ANKS1B: variants seen among roughly 807,000 people sequenced by gnomAD.
ANKS1B encodes the protein ankyrin repeat and sterile alpha motif domain-containing protein 1B.
A neutral mutation model predicts 148.3 loss-of-function variants in ANKS1B; 36 were observed. The ratio of observed to expected loss-of-function variants is 0.24; its 90% CI spans 0.19 to 0.32. ANKS1B has a LOEUF of 0.32. Among genes scored for constraint, ANKS1B ranks in the 10% least tolerant of loss-of-function variants. The probability of loss-of-function intolerance (pLI) is 1.00; values close to 1 mark genes in which losing one functional copy is unlikely to be tolerated. For synonymous variants in ANKS1B, 542 were observed against 560.8 expected, an observed-to-expected ratio of 0.97 and a Z score of 0.47; for missense variants, 1,157 against 1,542.6, an observed-to-expected ratio of 0.75 and a Z score of 4.19.
intron 1 of ANKS1B, among the ~76,000 whole-genome samples, chr12:99,897,458 T>C (rs2093424593): frequency 6.6e-6 from 1 of 151,252 alleles, no homozygotes; most frequent in African/African-American, 2.4e-5. Context: ...CCTCAGTGGC[T>C]ACCTAATCAG....
intron 9 of ANKS1B, among the ~76,000 whole-genome samples, chr12:99,533,851 T>C (rs1339837467): frequency 6.6e-6 from 1 of 152,064 alleles, no homozygotes; most frequent in Non-Finnish European, 1.5e-5. Flanking sequence ...GAATTATTTA[T>C]GTTAAATGAC....
At chr12:99,340,326 C>T (rs1185365352) in intron 12 of ANKS1B, among the ~76,000 whole-genome samples, 1 of 152,078 alleles carries the variant, frequency 6.6e-6, no homozygotes, top group Non-Finnish European at 1.5e-5. Flanking sequence ...AACTTAGAGT[C>T]AGAGAACCTG....
chr12:99,918,545 T>C (rs2094244687), intron 1 of ANKS1B, among the ~76,000 whole-genome samples: 1 of 152,178 alleles, frequency 6.6e-6, no homozygotes, highest in Non-Finnish European at 1.5e-5. Context: ...GTCACACAGC[T>C]AGTAAGTGAT....
intron 16 of ANKS1B, among the ~76,000 whole-genome samples, chr12:99,077,499 C>T (rs1430078742): frequency 2.6e-5 from 4 of 152,144 alleles, no homozygotes; most frequent in Non-Finnish European, 5.9e-5. Context: ...CTGAAAAATA[C>T]CAGAAGAAAT....
chr12:99,556,143 C>T (rs1287744095), intron 9 of ANKS1B, among the ~76,000 whole-genome samples: 1 of 152,120 alleles, frequency 6.6e-6, no homozygotes, highest in African/African-American at 2.4e-5. Flanking sequence ...TCAGTTTCTT[C>T]CTGGTTCAAT....
chr12:99,847,882 T>G (rs1298925789), intron 1 of ANKS1B, among the ~76,000 whole-genome samples: 2 of 152,082 alleles, frequency 1.3e-5, no homozygotes, highest in East Asian at 3.9e-4. Context: ...ACTTTCCCTT[T>G]GCTTGACCTA....
At chr12:99,534,931 G>T (rs1183811225) in intron 9 of ANKS1B, among the ~76,000 whole-genome samples, 1 of 151,708 alleles carries the variant, frequency 6.6e-6, no homozygotes, top group Non-Finnish European at 1.5e-5. Flanking sequence ...GGATGGTCTC[G>T]ATCTCCTGAC....
At chr12:99,693,465 G>A (rs549599664) in intron 8 of ANKS1B, among the ~76,000 whole-genome samples, 1 of 152,214 alleles carries the variant, frequency 6.6e-6, no homozygotes, top group East Asian at 1.9e-4. Flanking sequence ...GTGACAGCTG[G>A]GGTCAAGAGA....
intron 8 of ANKS1B, among the ~76,000 whole-genome samples, chr12:99,741,949 C>A (rs1429607337): frequency 2.0e-5 from 3 of 151,910 alleles, no homozygotes; most frequent in Admixed American, 2.0e-4. Context: ...ATGTCCTTTG[C>A]AGGGATATGG....
intron 10 of ANKS1B, among the ~76,000 whole-genome samples, chr12:99,478,881 G>C (rs1472019890): frequency 4.6e-5 from 7 of 152,024 alleles, no homozygotes; most frequent in Non-Finnish European, 1.0e-4. Context: ...AACAGAAATA[G>C]CGTGAGCCAC....
intron 12 of ANKS1B, among the ~76,000 whole-genome samples, chr12:99,377,523 A>G (rs1370035304): frequency 6.6e-6 from 1 of 152,222 alleles, no homozygotes; most frequent in Non-Finnish European, 1.5e-5. Flanking sequence ...AAACTACCAT[A>G]AAAGTGTTCT....
At chr12:99,551,308 T>A (rs1317310828) in intron 9 of ANKS1B, among the ~76,000 whole-genome samples, 1 of 152,140 alleles carries the variant, frequency 6.6e-6, no homozygotes, top group Non-Finnish European at 1.5e-5. Context: ...ATACAATAAA[T>A]CTTTTCTGAA....
chr12:99,781,609 A>G (rs1342663768), intron 5 of ANKS1B, among the ~76,000 whole-genome samples: 1 of 152,224 alleles, frequency 6.6e-6, no homozygotes, highest in African/African-American at 2.4e-5. Flanking sequence ...AAGAGAGGGA[A>G]CTCAAATCTC....
At chr12:98,984,673 C>T (rs1010586204) in intron 17 of ANKS1B, among the ~76,000 whole-genome samples, 6 of 152,182 alleles carry the variant, frequency 3.9e-5, no homozygotes, top group African/African-American at 1.4e-4. Context: ...GCACTGACAG[C>T]ATTCTCAAAG....
chr12:99,821,479 A>G (rs2082493242), intron 2 of ANKS1B, among the ~76,000 whole-genome samples: 1 of 152,006 alleles, frequency 6.6e-6, no homozygotes, highest in African/African-American at 2.4e-5. Flanking sequence ...CCAAAAAAAA[A>G]AAAAATTATG....
chr12:99,296,083 T>C (rs999345693), intron 12 of ANKS1B, among the ~76,000 whole-genome samples: 3 of 152,168 alleles, frequency 2.0e-5, no homozygotes, highest in Admixed American at 6.5e-5. Context: ...TCCAGAAAAT[T>C]TGTGGAAAAG....
intron 1 of ANKS1B, among the ~76,000 whole-genome samples, chr12:99,939,428 A>G (rs1038835177): frequency 2.0e-5 from 3 of 152,142 alleles, no homozygotes; most frequent in African/African-American, 4.8e-5. Context: ...CAGGGGTCTC[A>G]CTATGTTGAC....
At chr12:99,266,058 T>G (rs916161669) in intron 12 of ANKS1B, among the ~76,000 whole-genome samples, 2 of 152,126 alleles carry the variant, frequency 1.3e-5, no homozygotes, top group African/African-American at 4.8e-5. Context: ...CAGAAAGGAG[T>G]GAACTAGAAA....
intron 12 of ANKS1B, among the ~76,000 whole-genome samples, chr12:99,340,733 G>A (rs1175654440): frequency 6.6e-6 from 1 of 151,770 alleles, no homozygotes; most frequent in Non-Finnish European, 1.5e-5. Context: ...TTACACAGTG[G>A]TCATAAAATT....
Sources: gnomAD v4.1 joint callset for allele counts (sites outside exome capture counted in the v4.1 genomes callset) on GRCh38, gnomAD v4.1.1 for gene constraint, MANE v1.5 for transcripts, NCBI Gene and HGNC (gene_info 2026-07-23, HGNC 2026-07-21) for gene names.